SLCO1A2: variants seen among roughly 807,000 people sequenced by gnomAD.
SLCO1A2 encodes solute carrier organic anion transporter family member 1A2.
In SLCO1A2, 67 loss-of-function variants were observed where a neutral mutation model predicts 69.0. The ratio of observed to expected loss-of-function variants is 0.97; its 90% CI spans 0.80 to 1.19. The LOEUF is 1.19. Ranked by LOEUF, SLCO1A2 falls within the 50% of genes most tolerant of loss-of-function variation. SLCO1A2 has a pLI of 0.00. For missense variants in SLCO1A2, 787 were observed against 793.7 expected, an observed-to-expected ratio of 0.99 and a Z score of 0.10; for synonymous variants, 260 against 265.9, an observed-to-expected ratio of 0.98 and a Z score of 0.22.
At chr12:21,309,468 G>A (rs980119528) in intron 4 of SLCO1A2, among the ~76,000 whole-genome samples, 2 of 152,074 alleles carry the variant, frequency 1.3e-5, no homozygotes, top group African/African-American at 4.8e-5. Flanking sequence ...GAACGGCATA[G>A]GATTCTGAAT....
chr12:21,331,086 A>G (rs1263169199), intron 2 of SLCO1A2, among the ~76,000 whole-genome samples: 1 of 152,144 alleles, frequency 6.6e-6, no homozygotes, highest in African/African-American at 2.4e-5. Flanking sequence ...CATTTTATAT[A>G]TAATCCTTAA....
At chr12:21,293,826 A>T in intron 11 of SLCO1A2, 119 bp downstream of exon 11, 1 of 771,314 alleles carries the variant, frequency 1.3e-6, no homozygotes, top group Non-Finnish European at 1.9e-6. Context: ...TTCCACATAC[A>T]AAAAAAGTAA....
At chr12:21,396,594 A>G (rs1202052743), upstream of SLCO1A2, among the ~76,000 whole-genome samples, 1 of 152,004 alleles carries the variant, frequency 6.6e-6, no homozygotes, top group African/African-American at 2.4e-5. Context: ...GGTGAAATGA[A>G]GGAAAAAATG....
intron 12 of SLCO1A2, among the ~76,000 whole-genome samples, chr12:21,286,177 C>A (rs1274372255): frequency 7.1e-6 from 1 of 140,928 alleles, no homozygotes; most frequent in Non-Finnish European, 1.5e-5. Context: ...GATACAAAAT[C>A]AATGTACAAA....
chr12:21,386,901 T>C (rs937799075), intron 1 of SLCO1A2, among the ~76,000 whole-genome samples: 1 of 152,088 alleles, frequency 6.6e-6, no homozygotes, highest in Non-Finnish European at 1.5e-5. Flanking sequence ...AGGAAAATGT[T>C]GGAAAGTTTG....
intron 1 of SLCO1A2, among the ~76,000 whole-genome samples, chr12:21,383,706 A>G (rs544147077): frequency 6.6e-6 from 1 of 152,234 alleles, no homozygotes; most frequent in South Asian, 2.1e-4. Context: ...TATATTTGAT[A>G]TGATATTAGT....
At chr12:21,314,475 T>C in intron 4 of SLCO1A2, 74 bp downstream of exon 4, 1 of 1,523,540 alleles carries the variant, frequency 6.6e-7, no homozygotes, top group Non-Finnish European at 9.1e-7. Context: ...GCATTGCTCC[T>C]AGAGAGGAAA....
At chr12:21,312,654 T>C (rs1397294071) in intron 4 of SLCO1A2, among the ~76,000 whole-genome samples, 1 of 152,140 alleles carries the variant, frequency 6.6e-6, no homozygotes, top group Non-Finnish European at 1.5e-5. Context: ...AGGGTTATTA[T>C]AATAATTGGC....
intron 2 of SLCO1A2, among the ~76,000 whole-genome samples, chr12:21,327,115 A>G (rs1402342196): frequency 6.6e-6 from 1 of 152,142 alleles, no homozygotes; most frequent in Non-Finnish European, 1.5e-5. Context: ...CATGGGACCC[A>G]GAAGGAGCCA....
chr12:21,368,386 C>T (rs903535988), intron 2 of SLCO1A2, among the ~76,000 whole-genome samples: 5 of 151,892 alleles, frequency 3.3e-5, no homozygotes, highest in African/African-American at 9.7e-5. Flanking sequence ...TGAAAAATAA[C>T]GGACAGAAAA....
At chr12:21,322,912 C>A (rs1260937624) in intron 2 of SLCO1A2, among the ~76,000 whole-genome samples, 1 of 152,172 alleles carries the variant, frequency 6.6e-6, no homozygotes, top group Non-Finnish European at 1.5e-5. Context: ...GAGGCAACAG[C>A]AATGTCTACC....
intron 14 of SLCO1A2, among the ~76,000 whole-genome samples, chr12:21,270,459 A>G (rs969931246): frequency 6.6e-6 from 1 of 151,704 alleles, no homozygotes; most frequent in Non-Finnish European, 1.5e-5. Flanking sequence ...TTTTTCTTGT[A>G]CTGAACTTGT....
intron 12 of SLCO1A2, among the ~76,000 whole-genome samples, chr12:21,282,406 C>A (rs75016301): frequency 6.7e-6 from 1 of 149,658 alleles, no homozygotes; most frequent in South Asian, 2.1e-4. Flanking sequence ...AAAAAAAAAA[C>A]TCTCAAAAAA....
chr12:21,268,399 G>C lies in SLCO1A2; in HGVS notation c.*1149C>G, dbSNP rs561751635. 1 of 152,090 alleles carries C rather than the reference G, an allele frequency of 6.6e-6. No individual in the cohort carries two copies. Among genetic ancestry groups the C allele is most frequent in the East Asian group, 1.9e-4 (1 of 5,158 alleles). 9.4% of individuals were successfully genotyped at this position (152,090 alleles called of 1,614,324 possible). ...TTCTCTTCATCCATTAGGGATTTAT[G>C]TCATTCTTATATATTGACTGTCATT... On this transcript the variant is annotated 3_prime_UTR_variant, in exon 15 of 15. Transcript: ENST00000683939.
chr12:21,306,152 C>A (rs1391145745), intron 5 of SLCO1A2, among the ~76,000 whole-genome samples: 1 of 152,174 alleles, frequency 6.6e-6, no homozygotes, highest in Non-Finnish European at 1.5e-5. Context: ...AGCGTACTTG[C>A]CTGTTTTCCC....
At chr12:21,275,656 A>G (rs1030762669) in intron 12 of SLCO1A2, among the ~76,000 whole-genome samples, 1 of 152,028 alleles carries the variant, frequency 6.6e-6, no homozygotes, top group African/African-American at 2.4e-5. Flanking sequence ...TACCTATTTT[A>G]TTGGTCAGGC....
At chr12:21,273,931 G>T (rs906295990) in intron 14 of SLCO1A2, 1 of 152,058 alleles carries the variant, frequency 6.6e-6, no homozygotes, top group African/African-American at 2.4e-5. Context: ...GAATGAAAAA[G>T]AACATGAAAA....
At chr12:21,399,922 C>A (rs1049653134), upstream of SLCO1A2, among the ~76,000 whole-genome samples, 1 of 151,382 alleles carries the variant, frequency 6.6e-6, no homozygotes, top group Non-Finnish European at 1.5e-5. Context: ...CCATAAAAAC[C>A]CTAGAAGAAA....
At chr12:21,280,519 CA>C (rs1486101606) in intron 12 of SLCO1A2, among the ~76,000 whole-genome samples, 1 of 151,716 alleles carries the variant, frequency 6.6e-6, no homozygotes, top group Non-Finnish European at 1.5e-5. Context: ...ATTAATTAAG[CA>C]AGAGGACATA....
Sources: gnomAD v4.1 joint callset for allele counts (sites outside exome capture counted in the v4.1 genomes callset) on GRCh38, gnomAD v4.1.1 for gene constraint, MANE v1.5 for transcripts, NCBI Gene and HGNC (gene_info 2026-07-23, HGNC 2026-07-21) for gene names.